Variants in CUBN observed in about 807,000 individuals in gnomAD.
The protein encoded by CUBN is cubilin.
CUBN carries 282 observed loss-of-function variants against 405.3 expected under a neutral mutation model. The ratio of observed to expected loss-of-function variants is 0.70; its 90% confidence interval spans 0.63 to 0.77. The LOEUF is 0.77. Among genes scored for constraint, CUBN ranks in the 30% least tolerant of loss-of-function variants. The pLI is 0.00. For synonymous variants in CUBN, 1,684 were observed against 1,617.0 expected (o/e 1.04, Z -0.99); for missense variants, 4,514 against 4,475.2 (o/e 1.01, Z -0.25).
chr10:16,962,271 T>C (rs1468532457), intron 31 of CUBN, among the ~76,000 whole-genome samples: 1 of 152,102 alleles, frequency 6.6e-6, no homozygotes, highest in Admixed American at 6.6e-5. Context: ...TAGCCTCTAG[T>C]ATCAAAGTGA....
At chr10:17,094,380 T>C (rs1451904244) in intron 14 of CUBN, among the ~76,000 whole-genome samples, 1 of 152,094 alleles carries the variant, frequency 6.6e-6, no homozygotes, top group Non-Finnish European at 1.5e-5. Context: ...GGAATCTGTC[T>C]TCAACAGACA....
chr10:17,116,847 G>A (rs1366636503), intron 6 of CUBN, among the ~76,000 whole-genome samples: 1 of 152,088 alleles, frequency 6.6e-6, no homozygotes, highest in Non-Finnish European at 1.5e-5. Context: ...TAAGAATGCA[G>A]GGAGCACCAT....
rs764285300 is a variant in CUBN, at chr10:16,862,143, G to GTCTCTC, written c.9454+7487_9454+7492dup. Among the ~76,000 whole-genome samples, 431 of 121,336 alleles carry GTCTCTC rather than the reference G, an allele frequency of 3.6e-3. 7 individuals carry two copies. The highest frequency in any genetic ancestry group is 0.011 in the African/African-American group (365 of 33,080). The allele number at this position is 121,336 out of a possible 152,430, so 79.6% of individuals were successfully genotyped here. ...CAGCCTGGCAACAGAGTGAGACTCC[G>GTCTCTC]TCTCTCTCTCTCTCTCTCACACACA... On this transcript the variant is annotated intron_variant, in intron 59 of 66. Coordinates refer to ENST00000377833, the MANE Select transcript of CUBN (RefSeq NM_001081.4).
chr10:16,993,448 C>T (rs1257007110), intron 28 of CUBN, among the ~76,000 whole-genome samples: 2 of 152,140 alleles, frequency 1.3e-5, no homozygotes, highest in East Asian at 1.9e-4. Flanking sequence ...CTTAAATTGT[C>T]GCTGTAAACT....
At chr10:16,885,137 A>T (rs1041319096) in intron 56 of CUBN, among the ~76,000 whole-genome samples, 1 of 152,216 alleles carries the variant, frequency 6.6e-6, no homozygotes, top group Admixed American at 6.5e-5. Flanking sequence ...CGGTGATGGT[A>T]TTCAATAAAT....
chr10:16,883,881 G>A (rs2796832), intron 56 of CUBN, among the ~76,000 whole-genome samples: 5 of 152,184 alleles, frequency 3.3e-5, no homozygotes, highest in South Asian at 4.1e-4. Context: ...TACAGTTTAC[G>A]GCGTGTAGAA....
intron 55 of CUBN, among the ~76,000 whole-genome samples, chr10:16,889,205 T>A (rs992574601): frequency 6.6e-6 from 1 of 152,230 alleles, no homozygotes; most frequent in Non-Finnish European, 1.5e-5. Flanking sequence ...TCTATCCTTT[T>A]AAATTGACAT....
At chr10:16,880,477 T>G (rs1435823134) in intron 56 of CUBN, among the ~76,000 whole-genome samples, 1 of 152,226 alleles carries the variant, frequency 6.6e-6, no homozygotes, top group Non-Finnish European at 1.5e-5. Context: ...AAAGAAGTTG[T>G]GCAGCAATCA....
rs202046490 is a variant in CUBN, at chr10:16,874,531, G to C, written c.9107-28C>G. On this transcript the variant is annotated intron_variant, in intron 57 of 66. Transcript: ENST00000377833. ...GCAACAGAAGACAAGGGAATATGAAGAGAACAACGATTAGTCCCAGCATGG... is the reference window on the plus strand; with the variant it reads ...GCAACAGAAGACAAGGGAATATGAACAGAACAACGATTAGTCCCAGCATGG... The C allele has an allele frequency of 1.4e-5, 23 of 1,613,784 alleles. No individual in the cohort carries two copies. In the East Asian group the frequency reaches 4.2e-4, roughly 30 times the overall value.
At chr10:16,830,964 G>A (rs1838970544) in intron 65 of CUBN, among the ~76,000 whole-genome samples, 1 of 152,038 alleles carries the variant, frequency 6.6e-6, no homozygotes, top group Admixed American at 6.6e-5. Flanking sequence ...GCGCATGCCT[G>A]TAATCTCAGC....
At chr10:16,895,603 T>C (rs1427144248) in intron 54 of CUBN, among the ~76,000 whole-genome samples, 1 of 152,204 alleles carries the variant, frequency 6.6e-6, no homozygotes. Flanking sequence ...AGGAGGATCA[T>C]TATGTCTTCC....
At chr10:17,019,414 T>C (rs1834433780) in intron 28 of CUBN, among the ~76,000 whole-genome samples, 1 of 152,112 alleles carries the variant, frequency 6.6e-6, no homozygotes, top group African/African-American at 2.4e-5. Context: ...ACTTTCATTC[T>C]TTCTAGTCTA....
chr10:17,037,936 A>G (rs1363924130), intron 27 of CUBN, among the ~76,000 whole-genome samples: 1 of 119,400 alleles, frequency 8.4e-6, no homozygotes, highest in Non-Finnish European at 1.8e-5. Context: ...CCCATGACAC[A>G]GTCACCTTTT....
At position 17,022,999 on chromosome 10, in the gene CUBN, T is replaced by C. The variant is rs560279193; in HGVS notation, c.4018-3016A>G. ...TAGGTCGCAGCATGTTGCGGAATTA[T>C]ATTTCAATCCTGCACAAGGTCATGA... is the stretch of plus-strand genomic sequence containing the variant. On this transcript the variant is annotated intron_variant, in intron 27 of 66. Coordinates refer to ENST00000377833, the MANE Select transcript of CUBN (RefSeq NM_001081.4). Among the ~76,000 whole-genome samples the C allele has an allele frequency of 1.2e-3, 178 of 152,366 alleles. 1 individual carries two copies. The highest frequency in any genetic ancestry group is 3.4e-3 in the Middle Eastern group (1 of 294).
chr10:17,075,968 G>T (rs1286871510), intron 17 of CUBN, among the ~76,000 whole-genome samples: 2 of 152,150 alleles, frequency 1.3e-5, no homozygotes, highest in Non-Finnish European at 2.9e-5. Context: ...ACATACTGCA[G>T]TTCTTGAAAA....
intron 56 of CUBN, among the ~76,000 whole-genome samples, chr10:16,879,332 T>A (rs138651280): frequency 3.9e-4 from 59 of 152,354 alleles, no homozygotes; most frequent in Non-Finnish European, 6.8e-4. Context: ...TGAAATATTT[T>A]CCCATTTTCA....
At chr10:17,029,703 T>C (rs1032804966) in intron 27 of CUBN, among the ~76,000 whole-genome samples, 4 of 152,214 alleles carry the variant, frequency 2.6e-5, no homozygotes, top group Non-Finnish European at 5.9e-5. Context: ...CCAGGAAGCA[T>C]GACTCATCTG....
intron 48 of CUBN, among the ~76,000 whole-genome samples, chr10:16,912,192 A>T (rs1319799452): frequency 6.6e-6 from 1 of 152,210 alleles, no homozygotes; most frequent in Non-Finnish European, 1.5e-5. Flanking sequence ...GTTGAATAAG[A>T]TCATTTTACG....
chr10:16,827,932 G>A (rs757783608), intron 66 of CUBN, among the ~76,000 whole-genome samples: 20 of 152,196 alleles, frequency 1.3e-4, no homozygotes, highest in Non-Finnish European at 2.8e-4. Flanking sequence ...TGAGAGGATC[G>A]TAAGCACAGA....
Sources: gnomAD v4.1 joint callset for allele counts (sites outside exome capture counted in the v4.1 genomes callset) on GRCh38, gnomAD v4.1.1 for gene constraint, MANE v1.5 for transcripts, NCBI Gene and HGNC (gene_info 2026-07-23, HGNC 2026-07-21) for gene names.